PPM1H: variants seen among roughly 807,000 people sequenced by gnomAD.
PPM1H encodes the protein protein phosphatase 1H.
A neutral mutation model predicts 54.9 loss-of-function variants in PPM1H; 27 were observed. The ratio of observed to expected loss-of-function variants is 0.49; its 90% CI spans 0.36 to 0.68. The LOEUF is 0.68. Among genes scored for constraint, PPM1H ranks in the 30% least tolerant of loss-of-function variants. The pLI is 0.00. For synonymous variants in PPM1H, 305 were observed against 270.8 expected, an observed-to-expected ratio of 1.13 and a Z score of -1.24; for missense variants, 596 against 667.8, an observed-to-expected ratio of 0.89 and a Z score of 1.19.
At chr12:62,839,874 C>CAAAAAAAAAAAAAAAA (rs746381032) in intron 1 of PPM1H, among the ~76,000 whole-genome samples, 6 of 84,244 alleles carry the variant, frequency 7.1e-5, no homozygotes, top group African/African-American at 2.5e-4. Context: ...CCTGTTTCTA[C>CAAAAAAAAAAAAAAAA]AAAAAAAAAA....
chr12:62,777,759 A>C (rs1227733976), intron 4 of PPM1H, among the ~76,000 whole-genome samples: 1 of 152,234 alleles, frequency 6.6e-6, no homozygotes, highest in East Asian at 1.9e-4. Flanking sequence ...TAACTATGAC[A>C]ATTTAAAAAT....
intron 4 of PPM1H, among the ~76,000 whole-genome samples, chr12:62,778,947 G>GAAAGA (rs780503465): frequency 2.7e-5 from 4 of 150,906 alleles, no homozygotes; most frequent in Non-Finnish European, 4.4e-5. Flanking sequence ...AAGGAAAAAG[G>GAAAGA]AAAGAAAAGA....
chr12:62,798,655 C>T (rs1448301516), intron 3 of PPM1H, among the ~76,000 whole-genome samples: 2 of 152,176 alleles, frequency 1.3e-5, no homozygotes, highest in African/African-American at 2.4e-5. Context: ...TGATATGGCA[C>T]ATCTGGGCCT....
In PPM1H at chr12:62,669,917, T is replaced by A. The variant is rs562735373; in HGVS notation, c.1246-2588A>T. 2.8e-5 allele frequency among the ~76,000 whole-genome samples: 4 copies of A among 144,902 alleles called. No individual in the cohort carries two copies. In the South Asian group the frequency reaches 9.0e-4, roughly 32 times the overall value. ...CTGTGCCATTACACTCCAGCCTGGG[T>A]GACAGTGAGACCCAGTCTTTAAAAA... On this transcript the variant is annotated intron_variant, in intron 8 of 9. Transcript: ENST00000228705.
chr12:62,682,406 C>G (rs1367889215), intron 8 of PPM1H, among the ~76,000 whole-genome samples: 2 of 151,990 alleles, frequency 1.3e-5, no homozygotes, highest in African/African-American at 4.8e-5. Context: ...GGCTTGGGAA[C>G]AAAAAGTCAC....
chr12:62,820,503 T>C (rs1340716216), intron 2 of PPM1H, among the ~76,000 whole-genome samples: 35 of 152,216 alleles, frequency 2.3e-4, no homozygotes, highest in Admixed American at 2.2e-3. Context: ...AGGGGCCGAC[T>C]GACACCTCAT....
At chr12:62,834,598 A>G (rs1353984367) in intron 1 of PPM1H, among the ~76,000 whole-genome samples, 1 of 152,198 alleles carries the variant, frequency 6.6e-6, no homozygotes, top group Non-Finnish European at 1.5e-5. Context: ...GGCCTTTCCC[A>G]GCATCTCTGG....
intron 1 of PPM1H, among the ~76,000 whole-genome samples, chr12:62,895,373 C>T (rs1192791775): frequency 6.6e-6 from 1 of 152,172 alleles, no homozygotes; most frequent in African/African-American, 2.4e-5. Context: ...AGTTCAATGA[C>T]AATCACTGCC....
chr12:62,696,548 C>T lies in PPM1H; in HGVS notation c.1074-2549G>A, dbSNP rs144739306. On this transcript the variant is annotated intron_variant, in intron 6 of 9. Transcript: ENST00000228705. Reference sequence around the variant, plus strand: ...AGATCATCATATAAAGTTAAGTGGACTTCCATCCATAGTTACAAAGCCTTG... The same window carrying T: ...AGATCATCATATAAAGTTAAGTGGATTTCCATCCATAGTTACAAAGCCTTG... Among the ~76,000 whole-genome samples the T allele has an allele frequency of 6.6e-3, 1,011 of 152,284 alleles. 18 individuals are homozygous for T. Among genetic ancestry groups the T allele is most frequent in the African/African-American group, 0.023 (962 of 41,550 alleles).
At chr12:62,888,154 C>A (rs1870657787) in intron 1 of PPM1H, among the ~76,000 whole-genome samples, 1 of 152,070 alleles carries the variant, frequency 6.6e-6, no homozygotes, top group Admixed American at 6.6e-5. Context: ...AAAGAACACG[C>A]TGATGAGGGG....
chr12:62,830,448 G>T (rs569595047), intron 2 of PPM1H, among the ~76,000 whole-genome samples: 13,884 of 152,032 alleles, frequency 0.091, 1,061 homozygotes, highest in African/African-American at 0.21. Flanking sequence ...GTAGAGACAG[G>T]GTGTCACTGT....
rs986571272 is a variant in PPM1H at position 62,831,009 on chromosome 12, A to G, written c.411+1105T>C. ...GCTGGGATTACAGGCGCCCGCCACC[A>G]TGCCCAGCTAATTTTTTGTATTTTT... On this transcript the variant is annotated intron_variant, in intron 2 of 9. Coordinates refer to ENST00000228705, the MANE Select transcript of PPM1H (RefSeq NM_020700.2). Among the ~76,000 whole-genome samples, 5 of 151,982 alleles carry G rather than the reference A, an allele frequency of 3.3e-5. No homozygotes were observed. In the South Asian group the frequency reaches 1.0e-3, roughly 32 times the overall value.
intron 8 of PPM1H, among the ~76,000 whole-genome samples, chr12:62,679,100 C>T (rs781388142): frequency 1.3e-5 from 2 of 152,170 alleles, no homozygotes; most frequent in Non-Finnish European, 2.9e-5. Context: ...GATTCTCCTG[C>T]CTCAGCCTCC....
chr12:62,674,047 T>C (rs542975090), intron 8 of PPM1H, among the ~76,000 whole-genome samples: 15 of 152,176 alleles, frequency 9.9e-5, no homozygotes, highest in African/African-American at 3.4e-4. Context: ...TCTGAAATCA[T>C]TTTTCAAAAA....
rs757739926 is a variant in PPM1H, at chr12:62,934,663, T to G, written c.74A>C (p.His25Pro). ...CGAGCCTCCGCAGCTGCCGCCGCCG[T>G]GCTCGGAGCCTGAGCTGCCAGCCAT... is the stretch of plus-strand genomic sequence containing the variant. ...GIMAGSSGSE[H>P]GGGSCGGSDL... Residue 25 changes from histidine to proline, a missense_variant, in exon 1 of 10, where the codon CAC (histidine) becomes CCC (proline). Physicochemically the swap from His to Pro is moderately conservative, Grantham distance 77. Coordinates refer to ENST00000228705, the MANE Select transcript of PPM1H (RefSeq NM_020700.2). The surrounding 1 kb of genome is among the most constrained non-coding windows in gnomAD (Gnocchi z 4.2). 3 of 1,602,154 alleles carry G rather than the reference T, an allele frequency of 1.9e-6. No homozygotes were observed. The highest frequency in any genetic ancestry group is 2.6e-6 in the Non-Finnish European group (3 of 1,175,752).
chr12:62,732,723 C>A (rs1466507350), intron 5 of PPM1H, among the ~76,000 whole-genome samples: 1 of 152,038 alleles, frequency 6.6e-6, no homozygotes, highest in Admixed American at 6.6e-5. Flanking sequence ...AGGCGCCCGC[C>A]ACTACGCCCG....
chr12:62,863,023 T>C (rs1869654224), intron 1 of PPM1H, among the ~76,000 whole-genome samples: 1 of 152,120 alleles, frequency 6.6e-6, no homozygotes, highest in Admixed American at 6.5e-5. Flanking sequence ...GAGCTGTTTT[T>C]GTTTGTTTTT....
intron 7 of PPM1H, among the ~76,000 whole-genome samples, chr12:62,690,893 C>A (rs1390232205): frequency 6.6e-6 from 1 of 152,166 alleles, no homozygotes; most frequent in East Asian, 1.9e-4. Flanking sequence ...ATCACTTGAA[C>A]CTGGAAGGTG....
intron 2 of PPM1H, among the ~76,000 whole-genome samples, chr12:62,814,538 A>G (rs2076854347): frequency 6.6e-6 from 1 of 152,178 alleles, no homozygotes; most frequent in Admixed American, 6.5e-5. Context: ...TTTTTAACTT[A>G]CGATTTGGAG....
Sources: gnomAD v4.1 joint callset for allele counts (sites outside exome capture counted in the v4.1 genomes callset) on GRCh38, gnomAD v4.1.1 for gene constraint, Gnocchi (gnomAD v3.1) non-coding constraint, MANE v1.5 for transcripts, NCBI Gene and HGNC (gene_info 2026-07-23, HGNC 2026-07-21) for gene names.